CEPT1: variants seen among roughly 807,000 people sequenced by gnomAD.
CEPT1 encodes the protein choline/ethanolamine phosphotransferase 1.
Under a neutral mutation model 42.6 loss-of-function variants are expected in CEPT1, and 7 were observed. The ratio of observed to expected loss-of-function variants is 0.16; its 90% CI spans 0.09 to 0.31. CEPT1 has a LOEUF of 0.31. Among genes scored for constraint, CEPT1 ranks in the 10% least tolerant of loss-of-function variants. The pLI, the probability that CEPT1 is intolerant of heterozygous loss-of-function variation, is 1.00. For missense variants in CEPT1, 306 were observed against 502.1 expected (o/e 0.61, Z 3.73); for synonymous variants, 171 against 171.9 (o/e 0.99, Z 0.04).
At position 111,175,768 on chromosome 1, in the gene CEPT1, T is replaced by C. The variant is rs145055512; in HGVS notation, c.714+805T>C. Among the ~76,000 whole-genome samples the C allele has an allele frequency of 1.4e-3, 208 of 152,336 alleles. 2 individuals carry two copies. The highest frequency in any genetic ancestry group is 4.6e-3 in the African/African-American group (193 of 41,580). On this transcript the variant is annotated intron_variant, in intron 5 of 8. Transcript: ENST00000357172. The stretch of plus-strand genomic sequence containing the variant: ...TCAATAAAAGTTGTTGCTGCTCTTA[T>C]AGTTTTAATGTATTCTTTCAGATTT...
At chr1:111,172,327 A>G (rs369199147) in intron 4 of CEPT1, among the ~76,000 whole-genome samples, 1 of 152,038 alleles carries the variant, frequency 6.6e-6, no homozygotes, top group South Asian at 2.1e-4. Flanking sequence ...GGTTTTGAGG[A>G]ATAGTCCCAA....
intron 1 of CEPT1, among the ~76,000 whole-genome samples, chr1:111,141,929 A>G (rs1654637264): frequency 1.3e-5 from 2 of 152,104 alleles, no homozygotes; most frequent in African/African-American, 2.4e-5. Flanking sequence ...CTGTAAACAT[A>G]CTGCTGAATC....
chr1:111,148,730 C>G (rs1249704478), intron 2 of CEPT1, among the ~76,000 whole-genome samples: 3 of 152,188 alleles, frequency 2.0e-5, no homozygotes, highest in East Asian at 3.8e-4. Flanking sequence ...TTACTTGAAA[C>G]CAAAACTAGA....
chr1:111,169,368 C>A (rs949805900), intron 4 of CEPT1, among the ~76,000 whole-genome samples: 1 of 152,124 alleles, frequency 6.6e-6, no homozygotes, highest in Non-Finnish European at 1.5e-5. Flanking sequence ...GTCTTTTCCA[C>A]CAATGTTCTT....
chr1:111,150,254 A>G lies in CEPT1; in HGVS notation c.339+2201A>G, dbSNP rs1383948453. Among the ~76,000 whole-genome samples the G allele has an allele frequency of 4.6e-5, 7 of 152,318 alleles. No individual in the cohort carries two copies. The East Asian group carries it at 9.7e-4, about 21-fold the overall frequency. Reference sequence around the variant, plus strand: ...CTTCAGTAAGATAAGTAAATTTTCTAAGTCACCCTCTTTAAATCTTATTTT... The same window carrying G: ...CTTCAGTAAGATAAGTAAATTTTCTGAGTCACCCTCTTTAAATCTTATTTT... On this transcript the variant is annotated intron_variant, in intron 2 of 8. Coordinates refer to ENST00000357172, the MANE Select transcript of CEPT1 (RefSeq NM_006090.5).
chr1:111,183,163 A>G (rs1212924553), intron 7 of CEPT1, among the ~76,000 whole-genome samples: 1 of 152,144 alleles, frequency 6.6e-6, no homozygotes, highest in African/African-American at 2.4e-5. Flanking sequence ...AAAACATACA[A>G]CTTTTTACCC....
At chr1:111,159,014 C>T (rs185398603) in intron 2 of CEPT1, among the ~76,000 whole-genome samples, 1,633 of 141,436 alleles carry the variant, frequency 0.012, 46 homozygotes, top group African/African-American at 0.041. Context: ...CCCGGGTTCA[C>T]GCCATTCTCC....
rs1655849680 is a variant in CEPT1 at position 111,161,179 on chromosome 1, T to C, written c.512T>C (p.Ile171Thr). 6.2e-7 allele frequency: 1 copy of C among 1,614,134 alleles called. No individual in the cohort carries two copies. Among genetic ancestry groups the C allele is most frequent in the Non-Finnish European group, 8.5e-7 (1 of 1,179,974 alleles). Reference protein sequence around the residue: ...STVFVVLGTCIAVQLGTNPDW... With the variant: ...STVFVVLGTCTAVQLGTNPDW... ...GTTTTTGTGGTTCTTGGAACTTGTA[T>C]TGCAGTGCAGCTGGGGACAAACCCT... The change falls in exon 4 of 9, where the codon ATT becomes ACT. Residue 171 changes from isoleucine to threonine, a missense_variant. Around this residue, in one of 2 missense-constraint regions of CEPT1, gnomAD observed 253 missense variants for 447.3 expected, o/e 0.57. Transcript: ENST00000357172.
At chr1:111,163,799 T>C (rs1018491705) in intron 4 of CEPT1, among the ~76,000 whole-genome samples, 14 of 152,302 alleles carry the variant, frequency 9.2e-5, no homozygotes, top group Admixed American at 2.6e-4. Flanking sequence ...TTTATTTTGC[T>C]TAATAAGGAG....
At chr1:111,143,023 T>G (rs1357607053) in intron 1 of CEPT1, among the ~76,000 whole-genome samples, 2 of 152,250 alleles carry the variant, frequency 1.3e-5, no homozygotes, top group Non-Finnish European at 2.9e-5. Context: ...ACTTTTACTA[T>G]TATGGTACAT....
rs1184314300 is a variant in CEPT1, at chr1:111,184,943, C to CA, written c.*635dup. 1 of 145,784 alleles carries CA rather than the reference C, an allele frequency of 6.9e-6. No individual in the cohort carries two copies. The highest frequency in any genetic ancestry group is 2.5e-5 in the African/African-American group (1 of 39,222). The allele number at this position is 145,784 out of a possible 1,614,324, so 9.0% of individuals were successfully genotyped here. ...ATGCAGAATAATGTGGTAACTTTGT[C>CA]AATTTCCCATTTTATTTTTTTAAAT... On this transcript the variant is annotated 3_prime_UTR_variant, in exon 9 of 9. Transcript: ENST00000357172.
chr1:111,146,686 A>G (rs2101232440), intron 1 of CEPT1, among the ~76,000 whole-genome samples: 1 of 152,178 alleles, frequency 6.6e-6, no homozygotes, highest in African/African-American at 2.4e-5. Context: ...TCCTCATGCT[A>G]CTTGATTACT....
chr1:111,144,068 TC>T, intron 1 of CEPT1, among the ~76,000 whole-genome samples: 1 of 152,332 alleles, frequency 6.6e-6, no homozygotes, highest in African/African-American at 2.4e-5. Flanking sequence ...CTTTCTGTAT[TC>T]CCACCCCACA....
chr1:111,158,061 G>A (rs1655662577), intron 2 of CEPT1, among the ~76,000 whole-genome samples: 1 of 152,158 alleles, frequency 6.6e-6, no homozygotes, highest in African/African-American at 2.4e-5. Context: ...TCAATACCAG[G>A]CTGGGTGCGT....
chr1:111,141,496 G>C (rs771914565), intron 1 of CEPT1, among the ~76,000 whole-genome samples: 22 of 152,096 alleles, frequency 1.4e-4, no homozygotes, highest in Non-Finnish European at 3.1e-4. Context: ...TTTTAAGCTG[G>C]TTAAAGGTGC....
At chr1:111,161,396 T>A in intron 4 of CEPT1, 100 bp downstream of exon 4, 4 of 1,177,100 alleles carry the variant, frequency 3.4e-6, no homozygotes, top group Non-Finnish European at 4.7e-6. Flanking sequence ...ATCACTAAGT[T>A]AGTTTAATAA....
chr1:111,141,482 T>A (rs547741559), intron 1 of CEPT1, among the ~76,000 whole-genome samples: 1 of 152,352 alleles, frequency 6.6e-6, no homozygotes, highest in Admixed American at 6.5e-5. Context: ...GCTTTAGATT[T>A]GTTTTTTAAG....
At chr1:111,141,892 TTAGG>T (rs1478364963) in intron 1 of CEPT1, among the ~76,000 whole-genome samples, 3 of 152,316 alleles carry the variant, frequency 2.0e-5, no homozygotes, top group Admixed American at 2.0e-4. Context: ...GTATTTTTCT[TTAGG>T]TAGCCAATTA....
intron 2 of CEPT1, among the ~76,000 whole-genome samples, chr1:111,155,910 T>G (rs960613635): frequency 6.6e-6 from 1 of 152,194 alleles, no homozygotes; most frequent in Non-Finnish European, 1.5e-5. Flanking sequence ...TATATTCTAT[T>G]TCATTTAGCT....
Sources: gnomAD v4.1 joint callset for allele counts (sites outside exome capture counted in the v4.1 genomes callset) on GRCh38, gnomAD v4.1.1 for gene constraint, gnomAD v4.1.1 regional missense constraint, MANE v1.5 for transcripts, NCBI Gene and HGNC (gene_info 2026-07-23, HGNC 2026-07-21) for gene names.